FBN1: variants seen among roughly 807,000 people sequenced by gnomAD.
FBN1 encodes fibrillin-1.
Under a neutral mutation model 365.1 loss-of-function variants are expected in FBN1, and 29 were observed. That is an observed-to-expected ratio of 0.08 (90% CI 0.06 to 0.11). FBN1 has a LOEUF of 0.11. FBN1 is among the 10% of genes least tolerant of loss of function. The pLI, the probability that FBN1 is intolerant of heterozygous loss-of-function variation, is 1.00. For missense variants in FBN1, 2,476 were observed against 3,703.2 expected (o/e 0.67, Z 8.60); for synonymous variants, 1,210 against 1,270.5 (o/e 0.95, Z 1.01).
At chr15:48,556,501 A>G (rs1251153404) in intron 6 of FBN1, among the ~76,000 whole-genome samples, 1 of 152,246 alleles carries the variant, frequency 6.6e-6, no homozygotes, top group Non-Finnish European at 1.5e-5. Flanking sequence ...CGGATTTAGA[A>G]TTAAGTGGAA....
In FBN1 at chr15:48,632,140, G is replaced by T. The variant is rs140867134; in HGVS notation, c.164+12466C>A. Among the ~76,000 whole-genome samples the T allele has an allele frequency of 4.0e-3, 601 of 152,148 alleles. 7 individuals carry two copies. The highest frequency in any genetic ancestry group is 0.014 in the African/African-American group (586 of 41,512). ...AAAAATAAAAACTTATCCCCAAACT[G>T]CCTTTAAGTATAACCAGATCTCCAC... On this transcript the variant is annotated intron_variant, in intron 2 of 65. Transcript: ENST00000316623.
chr15:48,644,685 A>G lies in FBN1; in HGVS notation c.85T>C (p.Leu29=), dbSNP rs1351617356. ...GTTTCCTTCACGTTCCCAGCCTCCA[A>G]ATTGGCGTCCGCCCCATGGCTCGTG... ...SYTSHGADAN[L]EAGNVKETRA... The change falls in exon 2 of 66, where the codon TTG becomes CTG. Residue 29 remains leucine, a synonymous_variant. Transcript: ENST00000316623. 6.2e-7 allele frequency: 1 copy of G among 1,614,136 alleles called. No homozygotes were observed. The highest frequency in any genetic ancestry group is 1.3e-5 in the African/African-American group (1 of 75,056).
At chr15:48,585,285 C>T (rs1411079317) in intron 6 of FBN1, among the ~76,000 whole-genome samples, 1 of 152,306 alleles carries the variant, frequency 6.6e-6, no homozygotes, top group Non-Finnish European at 1.5e-5. Context: ...ACCATTAGAA[C>T]ATTCTTTATT....
chr15:48,410,924 G>C lies in FBN1; in HGVS notation c.*66C>G. The C allele has an allele frequency of 7.1e-7, 1 of 1,401,314 alleles. No individual in the cohort carries two copies. 86.8% of individuals were successfully genotyped at this position (1,401,314 alleles called of 1,614,324 possible). A position where few individuals can be genotyped will look rare whatever the true frequency, so the allele number is the denominator to read the frequency against. On this transcript the variant is annotated 3_prime_UTR_variant, in exon 66 of 66. Transcript: ENST00000316623. ...CCTATGATATGATGATTCTGATTGG[G>C]GGAAAATATAGTTCTACCTATCTAT... is the stretch of plus-strand genomic sequence containing the variant.
At chr15:48,514,086 A>G (rs2043782772) in intron 12 of FBN1, among the ~76,000 whole-genome samples, 1 of 152,212 alleles carries the variant, frequency 6.6e-6, no homozygotes, top group East Asian at 1.9e-4. Context: ...GAGTTCCACT[A>G]AAATGTTAGA....
chr15:48,452,489 A>T, intron 45 of FBN1, 73 bp downstream of exon 45: 1 of 1,557,592 alleles, frequency 6.4e-7, no homozygotes, highest in Non-Finnish European at 8.9e-7. Flanking sequence ...ATCTGAAAAT[A>T]AATCCAGATA....
intron 2 of FBN1, among the ~76,000 whole-genome samples, chr15:48,618,265 C>CTCATTTATGT (rs1889696057): frequency 6.6e-6 from 1 of 152,102 alleles, no homozygotes; most frequent in Non-Finnish European, 1.5e-5. Context: ...GATCATGAAA[C>CTCATTTATGT]AATTACAATA....
At chr15:48,523,449 T>C (rs922020013) in intron 9 of FBN1, among the ~76,000 whole-genome samples, 4 of 152,202 alleles carry the variant, frequency 2.6e-5, no homozygotes, top group Non-Finnish European at 4.4e-5. Context: ...ACAAATCAAG[T>C]TTGGGTTACT....
In FBN1 at chr15:48,532,685, C is replaced by T. The variant is rs549930681; in HGVS notation, c.862+1395G>A. 8.5e-5 allele frequency among the ~76,000 whole-genome samples: 13 copies of T among 152,174 alleles called. No individual in the cohort carries two copies. The East Asian group carries it at 2.5e-3, about 29-fold the overall frequency. On this transcript the variant is annotated intron_variant, in intron 8 of 65. Coordinates refer to ENST00000316623, the MANE Select transcript of FBN1 (RefSeq NM_000138.5). Reference sequence around the variant, plus strand: ...TACTTAATACACCCAAGACACCATTCCTTAATATATAATGTAGAGTGTGGA... The same window carrying T: ...TACTTAATACACCCAAGACACCATTTCTTAATATATAATGTAGAGTGTGGA...
chr15:48,478,819 G>C (rs753707481), intron 32 of FBN1, among the ~76,000 whole-genome samples: 1 of 152,144 alleles, frequency 6.6e-6, no homozygotes, highest in Non-Finnish European at 1.5e-5. Context: ...GGTGGATTCT[G>C]AACATTGCTA....
In FBN1 at chr15:48,520,867, T is replaced by G. The variant is rs558554011; in HGVS notation, c.989-50A>C. On this transcript the variant is annotated intron_variant, in intron 9 of 65. Transcript: ENST00000316623. ...ACACACACATCGCTGAGATAATACT[T>G]GTAACAACACTCCCCTGCCCGAGCA... 8.1e-6 allele frequency: 13 copies of G among 1,612,008 alleles called. No homozygotes were observed. The East Asian group carries it at 2.2e-4, about 28-fold the overall frequency.
intron 6 of FBN1, among the ~76,000 whole-genome samples, chr15:48,591,959 T>C (rs1213723075): frequency 6.6e-6 from 1 of 152,186 alleles, no homozygotes; most frequent in African/African-American, 2.4e-5. Context: ...TGATCTCTCT[T>C]TGCCTCTGCT....
chr15:48,542,833 T>TGTGTGTGTGTA (rs1566923409), intron 6 of FBN1, among the ~76,000 whole-genome samples: 2 of 108,016 alleles, frequency 1.9e-5, no homozygotes, highest in Admixed American at 9.6e-5. Flanking sequence ...GTGTGTGTAT[T>TGTGTGTGTGTA]TTTTTTCCTT....
chr15:48,561,882 C>T (rs2044224520), intron 6 of FBN1, among the ~76,000 whole-genome samples: 1 of 151,652 alleles, frequency 6.6e-6, no homozygotes, highest in East Asian at 2.0e-4. Flanking sequence ...CATAGCTTTC[C>T]CTGGAAATGG....
At chr15:48,473,815 A>T (rs565339267) in intron 34 of FBN1, among the ~76,000 whole-genome samples, 52 of 152,176 alleles carry the variant, frequency 3.4e-4, no homozygotes, top group Middle Eastern at 3.4e-3. Flanking sequence ...GGCAAAAAAA[A>T]AATAATAATA....
At chr15:48,605,879 A>AATTATTTTTT (rs1427899901) in intron 4 of FBN1, among the ~76,000 whole-genome samples, 2 of 152,212 alleles carry the variant, frequency 1.3e-5, no homozygotes, top group African/African-American at 4.8e-5. Context: ...CGTCTAAAAA[A>AATTATTTTTT]ATTATTTTAA....
intron 65 of FBN1, 78 bp downstream of exon 65, chr15:48,412,491 A>C: frequency 6.7e-7 from 1 of 1,494,194 alleles, no homozygotes; most frequent in Non-Finnish European, 9.3e-7. Flanking sequence ...ACTTTGGAGC[A>C]TCCTTGGAGG....
intron 2 of FBN1, among the ~76,000 whole-genome samples, chr15:48,614,075 A>C (rs1253939952): frequency 6.6e-6 from 1 of 152,214 alleles, no homozygotes; most frequent in Non-Finnish European, 1.5e-5. Context: ...CACATTTAAC[A>C]ATTTCAGGGA....
At chr15:48,615,302 T>A (rs1597634582) in intron 2 of FBN1, among the ~76,000 whole-genome samples, 1 of 151,950 alleles carries the variant, frequency 6.6e-6, no homozygotes, top group Non-Finnish European at 1.5e-5. Flanking sequence ...TTTACTACAA[T>A]CATACATTGT....
Sources: gnomAD v4.1 joint callset for allele counts (sites outside exome capture counted in the v4.1 genomes callset) on GRCh38, gnomAD v4.1.1 for gene constraint, MANE v1.5 for transcripts, NCBI Gene and HGNC (gene_info 2026-07-23, HGNC 2026-07-21) for gene names.